ZBED4: variants seen among roughly 807,000 people sequenced by gnomAD.
ZBED4 encodes the protein zinc finger BED domain-containing protein 4.
Under a neutral mutation model 15.5 loss-of-function variants are expected in ZBED4, and 4 were observed. The observed-to-expected ratio is 0.26, with a 90% CI of 0.13 to 0.59. ZBED4 has a LOEUF of 0.59. Ranked by LOEUF, ZBED4 falls within the 20% of genes least tolerant of loss-of-function variation. The probability of loss-of-function intolerance (pLI) is 0.90; values close to 1 mark genes in which losing one functional copy is unlikely to be tolerated. For missense variants in ZBED4, 1,323 were observed against 1,461.8 expected, an observed-to-expected ratio of 0.91 and a Z score of 1.55; for synonymous variants, 692 against 608.5, an observed-to-expected ratio of 1.14 and a Z score of -2.02.
At chr22:49,883,219 CCA>C (rs1330010027) in intron 1 of ZBED4, 113 bp from the exon 2 acceptor site, 2 of 153,000 alleles carry the variant, frequency 1.3e-5, no homozygotes, top group Non-Finnish European at 2.9e-5. Context: ...TTTTTCGATT[CCA>C]GTTTTCCATT....
rs2060460343 is a variant in ZBED4, at chr22:49,890,055, TA to T, written c.*2882del. 1 of 166,310 alleles carries T rather than the reference TA, an allele frequency of 6.0e-6. No homozygotes were observed. Among genetic ancestry groups the T allele is most frequent in the African/African-American group, 2.4e-5 (1 of 41,450 alleles). The allele number at this position is 166,310 out of a possible 1,614,324, so 10.3% of individuals were successfully genotyped here. ...ACTGAAGTAAAAGATGATAAAAAAA[TA>T]AAAACTTTATTTCTTGGCTGGGCAC... On this transcript the variant is annotated 3_prime_UTR_variant, in exon 2 of 2. Coordinates refer to ENST00000216268, the MANE Select transcript of ZBED4 (RefSeq NM_014838.3).
At chr22:49,855,593 T>G (rs947399049) in intron 1 of ZBED4, among the ~76,000 whole-genome samples, 1 of 152,182 alleles carries the variant, frequency 6.6e-6, no homozygotes, top group Non-Finnish European at 1.5e-5. Context: ...TGTGTGTGTG[T>G]GTGTGTCTCA....
rs374183405 is a variant in ZBED4, at chr22:49,885,926, C to T, written c.2264C>T (p.Ser755Leu). The T allele has an allele frequency of 1.7e-5, 15 of 870,516 alleles. No homozygotes were observed. Among genetic ancestry groups the T allele is most frequent in the African/African-American group, 6.7e-5 (4 of 59,826 alleles). 53.9% of individuals were successfully genotyped at this position (870,516 alleles called of 1,614,324 possible). Residue 755 changes from serine to leucine, a missense_variant, in exon 2 of 2, where the codon TCG becomes TTG. Transcript: ENST00000216268. ...TLTAHWVSFE[S>L]PARPRCDDHH... The stretch of plus-strand genomic sequence containing the variant: ...ACGGCCCACTGGGTTTCCTTCGAGT[C>T]GCCAGCCCGGCCGCGCTGTGACGAC...
At chr22:49,862,391 ACTGCG>A (rs2060301310) in intron 1 of ZBED4, among the ~76,000 whole-genome samples, 1 of 152,286 alleles carries the variant, frequency 6.6e-6, no homozygotes. Flanking sequence ...GGCGTAAGCC[ACTGCG>A]CCCAGCCTAG....
At chr22:49,875,940 T>C (rs1007848367) in intron 1 of ZBED4, among the ~76,000 whole-genome samples, 1 of 77,814 alleles carries the variant, frequency 1.3e-5, no homozygotes, top group Non-Finnish European at 4.1e-5. Flanking sequence ...CATTGATTTT[T>C]TTTCTTTTTT....
chr22:49,876,576 C>T (rs1309723592), intron 1 of ZBED4, among the ~76,000 whole-genome samples: 2 of 152,110 alleles, frequency 1.3e-5, no homozygotes, highest in Non-Finnish European at 2.9e-5. Context: ...AATGTCGCCA[C>T]TCCAGCTTTC....
chr22:49,866,477 C>A (rs1275800733), intron 1 of ZBED4, among the ~76,000 whole-genome samples: 1 of 151,660 alleles, frequency 6.6e-6, no homozygotes, highest in Admixed American at 6.6e-5. Flanking sequence ...TTTTTTAGGT[C>A]TTCATTCTTG....
intron 1 of ZBED4, among the ~76,000 whole-genome samples, chr22:49,862,323 G>A (rs2060300885): frequency 6.6e-6 from 1 of 152,184 alleles, no homozygotes; most frequent in African/African-American, 2.4e-5. Flanking sequence ...TGCTGAGACT[G>A]GAATTGATCT....
chr22:49,889,338 C>T lies in ZBED4; in HGVS notation c.*2160C>T, dbSNP rs738712. The T allele has an allele frequency of 0.92, 153,720 of 167,144 alleles. 70,798 individuals are homozygous for T. The highest frequency in any genetic ancestry group is 0.98 in the African/African-American group (40,801 of 41,568). 10.4% of individuals were successfully genotyped at this position (167,144 alleles called of 1,614,324 possible). ...CTACTTTCAGGCTGCGACGGGAGAA[C>T]TGAATAGTTGTGACAGAGACCACAG... On this transcript the variant is annotated 3_prime_UTR_variant, in exon 2 of 2. Transcript: ENST00000216268.
chr22:49,880,722 T>C (rs1024876646), intron 1 of ZBED4, among the ~76,000 whole-genome samples: 92 of 152,374 alleles, frequency 6.0e-4, no homozygotes, highest in Admixed American at 5.0e-3. Context: ...CCTGATTCTT[T>C]GTATTCCCAT....
intron 1 of ZBED4, among the ~76,000 whole-genome samples, chr22:49,854,885 G>A (rs1355340395): frequency 6.6e-6 from 1 of 152,218 alleles, no homozygotes; most frequent in East Asian, 1.9e-4. Flanking sequence ...AGTGAGGCCA[G>A]TTTGGTAAAG....
In ZBED4 at chr22:49,884,969, T is replaced by G. The variant is rs759652014; in HGVS notation, c.1307T>G (p.Leu436Arg). ...SSPEKQQADG[L>R]SPRLFESGAI... ...CCTGAGAAGCAGCAGGCTGATGGGC[T>G]GAGTCCTAGATTGTTTGAATCTGGC... The change falls in exon 2 of 2, where the codon CTG becomes CGG. Residue 436 changes from leucine (L) to arginine (R), a missense_variant. Leu to Arg is a moderately radical substitution (Grantham distance 102, BLOSUM62 -2). Coordinates refer to ENST00000216268, the MANE Select transcript of ZBED4 (RefSeq NM_014838.3). 1 of 1,613,018 alleles carries G rather than the reference T, an allele frequency of 6.2e-7. No homozygotes were observed.
intron 1 of ZBED4, among the ~76,000 whole-genome samples, chr22:49,858,607 G>C: frequency 6.6e-6 from 1 of 152,194 alleles, no homozygotes; most frequent in East Asian, 1.9e-4. Flanking sequence ...GTGCTGAACT[G>C]TCTTGAAGGA....
In ZBED4 at chr22:49,884,115, CTT is replaced by C; in HGVS notation, c.454_455del (p.Leu152GlufsTer46). ...EFSRGKNEKD[L>X]STSCLMRHVR... ...TCAGCAGAGGCAAAAACGAGAAAGA[CTT>C]GAGTACCAGTTGTCTCATGAGGCAC... On this transcript the variant is annotated frameshift_variant, in exon 2 of 2. Coordinates refer to ENST00000216268, the MANE Select transcript of ZBED4 (RefSeq NM_014838.3). LOFTEE classifies it low-confidence loss of function (END_TRUNC). The C allele has an allele frequency of 6.2e-7, 1 of 1,613,714 alleles. No individual in the cohort carries two copies. Among genetic ancestry groups the C allele is most frequent in the Non-Finnish European group, 8.5e-7 (1 of 1,179,860 alleles).
chr22:49,865,161 C>G (rs569246700), intron 1 of ZBED4, among the ~76,000 whole-genome samples: 1 of 152,186 alleles, frequency 6.6e-6, no homozygotes, highest in East Asian at 1.9e-4. Context: ...CCTGTCACTC[C>G]GAGGCTGCAA....
intron 1 of ZBED4, among the ~76,000 whole-genome samples, chr22:49,870,172 C>A (rs1016490398): frequency 6.6e-6 from 1 of 152,202 alleles, no homozygotes; most frequent in Non-Finnish European, 1.5e-5. Context: ...TTTTTTATGG[C>A]TGTATAATAT....
chr22:49,879,680 G>C (rs1486296325), intron 1 of ZBED4, among the ~76,000 whole-genome samples: 2 of 76,480 alleles, frequency 2.6e-5, no homozygotes, highest in African/African-American at 7.7e-5. Flanking sequence ...TCAGTGTCTG[G>C]GCGTGTTTCT....
In ZBED4 at chr22:49,888,506, C is replaced by T. The variant is rs981216469; in HGVS notation, c.*1328C>T. The T allele has an allele frequency of 3.6e-5, 6 of 167,224 alleles. No homozygotes were observed. The highest frequency in any genetic ancestry group is 1.4e-4 in the African/African-American group (6 of 41,440). The allele number at this position is 167,224 out of a possible 1,614,324, so 10.4% of individuals were successfully genotyped here. A position where few individuals can be genotyped will look rare whatever the true frequency, so the allele number is the denominator to read the frequency against. On this transcript the variant is annotated 3_prime_UTR_variant, in exon 2 of 2. Transcript: ENST00000216268. ...AGAAAACAGGCATATTCTTTGTGGT[C>T]CATTATCTAGAGCCCATACTTGGGC...
intron 1 of ZBED4, among the ~76,000 whole-genome samples, chr22:49,871,519 A>G (rs1341442174): frequency 1.3e-5 from 2 of 152,082 alleles, no homozygotes; most frequent in African/African-American, 4.8e-5. Flanking sequence ...AGTATAATGT[A>G]GTCTGGTAAG....
Sources: gnomAD v4.1 joint callset for allele counts (sites outside exome capture counted in the v4.1 genomes callset) on GRCh38, gnomAD v4.1.1 for gene constraint, MANE v1.5 for transcripts, NCBI Gene and HGNC (gene_info 2026-07-23, HGNC 2026-07-21) for gene names.